ROBO2: variants seen among roughly 807,000 people sequenced by gnomAD.
The protein encoded by ROBO2 is roundabout guidance receptor 2, also known as roundabout homolog 2.
A neutral mutation model predicts 160.8 loss-of-function variants in ROBO2; 53 were observed. The ratio of observed to expected loss-of-function variants is 0.33; its 90% CI spans 0.26 to 0.41. The LOEUF (loss-of-function observed/expected upper bound fraction) is 0.41. ROBO2 is among the 10% of genes least tolerant of loss of function. The pLI, the probability that ROBO2 is intolerant of heterozygous loss-of-function variation, is 1.00. For missense variants in ROBO2, 1,577 were observed against 1,722.4 expected (o/e 0.92, Z 1.49); for synonymous variants, 664 against 611.7 (o/e 1.09, Z -1.26).
At chr3:76,472,088 T>C (rs944531580) in intron 2 of ROBO2, among the ~76,000 whole-genome samples, 1,403 of 127,204 alleles carry the variant, frequency 0.011, 18 homozygotes, top group African/African-American at 0.038. Flanking sequence ...TGTGTGTGTG[T>C]GTGTGTGTGT....
intron 2 of ROBO2, among the ~76,000 whole-genome samples, chr3:76,817,845 T>C (rs79698712): frequency 7.0e-6 from 1 of 143,336 alleles, no homozygotes; most frequent in Non-Finnish European, 1.5e-5. Context: ...TTTTTTTTTT[T>C]GGCTGAGTAG....
chr3:77,295,112 A>C lies in ROBO2; in HGVS notation c.389-182302A>C, dbSNP rs549936039. 2.6e-5 allele frequency among the ~76,000 whole-genome samples: 4 copies of C among 151,538 alleles called. No individual in the cohort carries two copies. The East Asian group carries it at 7.8e-4, about 29-fold the overall frequency. ...AAGTAAATTTGACGGTTAAAAAGGT[A>C]AGCTGAGGCTAGGTCACCCCAGATA... On this transcript the variant is annotated intron_variant, in intron 2 of 25. Coordinates refer to ENST00000461745, the Ensembl canonical transcript of ROBO2.
chr3:77,289,092 C>A (rs2060841705), intron 2 of ROBO2, among the ~76,000 whole-genome samples: 2 of 152,146 alleles, frequency 1.3e-5, no homozygotes, highest in South Asian at 4.2e-4. Context: ...TATACAGGCA[C>A]TTGATATGTG....
intron 2 of ROBO2, among the ~76,000 whole-genome samples, chr3:77,009,942 T>C (rs2149456196): frequency 2.1e-5 from 2 of 93,534 alleles, no homozygotes; most frequent in South Asian, 4.2e-4. Flanking sequence ...TGAGACTCTG[T>C]CTTAAAAAAA....
chr3:77,587,241 AGTCAAG>A (rs1213106017), intron 16 of ROBO2, among the ~76,000 whole-genome samples: 4 of 152,100 alleles, frequency 2.6e-5, no homozygotes, highest in Admixed American at 2.6e-4. Context: ...GAGAGTTTCA[AGTCAAG>A]GCAGTGTTAC....
intron 1 of ROBO2, among the ~76,000 whole-genome samples, chr3:77,085,460 A>G (rs1671567191): frequency 6.6e-6 from 1 of 152,094 alleles, no homozygotes; most frequent in African/African-American, 2.4e-5. Flanking sequence ...ACACTTAACA[A>G]TTTAGGTGTA....
At chr3:76,272,365 C>T (rs2107631432) in intron 2 of ROBO2, among the ~76,000 whole-genome samples, 1 of 152,004 alleles carries the variant, frequency 6.6e-6, no homozygotes, top group African/African-American at 2.4e-5. Context: ...TTAAAACTAA[C>T]TTAAAAATAT....
At chr3:75,958,526 A>G (rs1203252772) in intron 2 of ROBO2, among the ~76,000 whole-genome samples, 2 of 151,768 alleles carry the variant, frequency 1.3e-5, no homozygotes, top group African/African-American at 4.8e-5. Context: ...AAGGATAAAT[A>G]GGAGTTTGCT....
chr3:76,567,797 G>GTGTGTGTGTGTA (rs1260549103), intron 2 of ROBO2, among the ~76,000 whole-genome samples: 1 of 72,444 alleles, frequency 1.4e-5, no homozygotes, highest in African/African-American at 5.3e-5. Flanking sequence ...GTGTGTGTGT[G>GTGTGTGTGTGTA]TATATATATA....
At chr3:76,401,821 A>G (rs2077837093) in intron 2 of ROBO2, among the ~76,000 whole-genome samples, 1 of 151,594 alleles carries the variant, frequency 6.6e-6, no homozygotes, top group African/African-American at 2.4e-5. Context: ...GTCCTAAGGT[A>G]TCAGAACAAG....
intron 2 of ROBO2, among the ~76,000 whole-genome samples, chr3:76,253,313 C>G (rs1226351962): frequency 6.6e-6 from 1 of 151,968 alleles, no homozygotes; most frequent in Non-Finnish European, 1.5e-5. Flanking sequence ...TTTACTCTCA[C>G]TCATGCTGGA....
At chr3:77,301,988 G>T (rs2062700024) in intron 2 of ROBO2, among the ~76,000 whole-genome samples, 1 of 151,448 alleles carries the variant, frequency 6.6e-6, no homozygotes, top group South Asian at 2.1e-4. Context: ...CTGCAGCCTT[G>T]ACCTCCTGGG....
At chr3:77,595,348 A>G (rs1445764020) in intron 18 of ROBO2, among the ~76,000 whole-genome samples, 164 bp downstream of exon 19, 1 of 152,146 alleles carries the variant, frequency 6.6e-6, no homozygotes, top group Non-Finnish European at 1.5e-5. Flanking sequence ...TCTGTTGTGC[A>G]CTTTAGAGGA....
intron 2 of ROBO2, among the ~76,000 whole-genome samples, chr3:77,457,045 T>A (rs1322312701): frequency 6.6e-6 from 1 of 152,152 alleles, no homozygotes; most frequent in Non-Finnish European, 1.5e-5. Flanking sequence ...TACAGTCCCC[T>A]CCAGCCCTTT....
chr3:76,269,760 G>A (rs185202648), intron 2 of ROBO2, among the ~76,000 whole-genome samples: 26 of 151,842 alleles, frequency 1.7e-4, no homozygotes, highest in Admixed American at 7.9e-4. Flanking sequence ...CGTATCTCTC[G>A]TGTCTATTTC....
chr3:77,321,654 T>A (rs2064714288), intron 2 of ROBO2, among the ~76,000 whole-genome samples: 1 of 152,130 alleles, frequency 6.6e-6, no homozygotes, highest in Non-Finnish European at 1.5e-5. Context: ...TGTTACAGTT[T>A]TAACTTGAAC....
intron 2 of ROBO2, among the ~76,000 whole-genome samples, chr3:77,245,707 TTTC>T (rs1341057772): frequency 9.2e-5 from 14 of 152,316 alleles, no homozygotes; most frequent in African/African-American, 3.4e-4. Context: ...ACTCTGCCAT[TTTC>T]TTCTTCTTTC....
chr3:77,226,955 T>C (rs1244999958), intron 2 of ROBO2, among the ~76,000 whole-genome samples: 2 of 152,210 alleles, frequency 1.3e-5, no homozygotes, highest in Non-Finnish European at 2.9e-5. Context: ...TAGTGGTTGC[T>C]GACCAACTTC....
intron 21 of ROBO2, among the ~76,000 whole-genome samples, chr3:77,609,255 G>A (rs1315683778): frequency 6.6e-6 from 1 of 151,808 alleles, no homozygotes; most frequent in African/African-American, 2.4e-5. Context: ...AGTATATCCT[G>A]TGTCCTCCTT....
Sources: gnomAD v4.1 joint callset for allele counts (sites outside exome capture counted in the v4.1 genomes callset) on GRCh38, gnomAD v4.1.1 for gene constraint, MANE v1.5 for transcripts, NCBI Gene and HGNC (gene_info 2026-07-23, HGNC 2026-07-21) for gene names.